CREBRF: variants seen among roughly 807,000 people sequenced by gnomAD.
The protein encoded by CREBRF is UPF0474 protein C5orf41.
A neutral mutation model predicts 66.1 loss-of-function variants in CREBRF; 5 were observed. The ratio of observed to expected loss-of-function variants is 0.08; its 90% CI spans 0.04 to 0.16. The LOEUF is 0.16. CREBRF is among the 10% of genes least tolerant of loss of function. The pLI is 1.00. For synonymous variants in CREBRF, 229 were observed against 264.4 expected (o/e 0.87, Z 1.30); for missense variants, 531 against 744.9 (o/e 0.71, Z 3.34).
intron 1 of CREBRF, among the ~76,000 whole-genome samples, chr5:173,062,363 C>G (rs547355532): frequency 1.3e-5 from 2 of 152,252 alleles, no homozygotes; most frequent in South Asian, 4.1e-4. Context: ...TTGCTGAGAA[C>G]TGCTTATCTG....
intron 7 of CREBRF, among the ~76,000 whole-genome samples, chr5:173,112,710 C>A (rs1489766764): frequency 6.6e-6 from 1 of 152,140 alleles, no homozygotes; most frequent in Non-Finnish European, 1.5e-5. Flanking sequence ...GCAAAAACAA[C>A]CTGCACTTCT....
intron 5 of CREBRF, chr5:173,110,255 C>A: frequency 2.0e-6 from 1 of 497,692 alleles, no homozygotes; most frequent in South Asian, 1.9e-5. Flanking sequence ...ATCTGTCATG[C>A]TGGAACTAGA....
chr5:173,081,209 C>T (rs910408655), intron 2 of CREBRF, among the ~76,000 whole-genome samples: 3 of 152,176 alleles, frequency 2.0e-5, no homozygotes, highest in African/African-American at 7.2e-5. Context: ...CAACCCCTCT[C>T]ATCTCTCTCT....
chr5:173,118,529 A>G (rs1009804948), intron 7 of CREBRF, among the ~76,000 whole-genome samples: 1 of 152,046 alleles, frequency 6.6e-6, no homozygotes, highest in Admixed American at 6.6e-5. Context: ...TGCATATGGT[A>G]TAAGGTAAAA....
chr5:173,128,856 C>T (rs1482098905), intron 8 of CREBRF, among the ~76,000 whole-genome samples: 1 of 151,704 alleles, frequency 6.6e-6, no homozygotes, highest in Admixed American at 6.6e-5. Flanking sequence ...TCTCGGCTCA[C>T]CTTATGCTCC....
chr5:173,104,847 G>A (rs1301446966), intron 4 of CREBRF, among the ~76,000 whole-genome samples: 1 of 152,122 alleles, frequency 6.6e-6, no homozygotes, highest in Non-Finnish European at 1.5e-5. Flanking sequence ...ATACTTCTGG[G>A]AAAAAGGCTG....
In CREBRF at chr5:173,110,674, C is replaced by A. The variant is rs771158926; in HGVS notation, c.1570C>A (p.Pro524Thr). The change falls in exon 6 of 9, where the codon CCA becomes ACA. Residue 524 changes from proline to threonine, a missense_variant. Around this residue, in one of 5 missense-constraint regions of CREBRF, gnomAD observed 25 missense variants for 55.3 expected, o/e 0.45. Transcript: ENST00000296953. ...PVSELPLTAR[P>T]RSRKEKNKLA... is the part of the protein sequence containing the mutation. ...CAGTGAGCTTCCCTTAACAGCCCGA[C>A]CAAGGTCAAGGAAGGAAAAAAATAA... 1.9e-6 allele frequency: 3 copies of A among 1,612,308 alleles called. No individual in the cohort carries two copies. The highest frequency in any genetic ancestry group is 3.4e-5 in the Admixed American group (2 of 59,542).
chr5:173,110,359 C>A, intron 5 of CREBRF, 163 bp from the exon 6 acceptor site: 1 of 706,418 alleles, frequency 1.4e-6, no homozygotes, highest in South Asian at 1.5e-5. Flanking sequence ...AGGAGGCCAG[C>A]CCTTCTAGGA....
chr5:173,124,128 G>A (rs1759205525), intron 8 of CREBRF: 1 of 152,076 alleles, frequency 6.6e-6, no homozygotes, highest in South Asian at 2.1e-4. Context: ...ACATCTATAT[G>A]TTTGGTAAGC....
chr5:173,091,477 T>G (rs746359666), intron 4 of CREBRF, 76 bp downstream of exon 4: 1 of 1,532,622 alleles, frequency 6.5e-7, no homozygotes, highest in South Asian at 1.3e-5. Flanking sequence ...TTGTTTCTGT[T>G]TTGTTTGGAT....
At chr5:173,057,156 C>G (rs923934280) in intron 1 of CREBRF, among the ~76,000 whole-genome samples, 1 of 152,038 alleles carries the variant, frequency 6.6e-6, no homozygotes, top group African/African-American at 2.4e-5. Flanking sequence ...GGGCGGAGCC[C>G]TCAGAGCTGA....
chr5:173,073,199 T>C (rs752780540), intron 1 of CREBRF, among the ~76,000 whole-genome samples: 1 of 152,208 alleles, frequency 6.6e-6, no homozygotes, highest in Admixed American at 6.5e-5. Flanking sequence ...TTTGTAACAA[T>C]AGGTTTGCTT....
In CREBRF at chr5:173,066,323, A is replaced by G. The variant is rs1488343984; in HGVS notation, c.-192+9844A>G. The stretch of plus-strand genomic sequence containing the variant: ...CAAAGATGCTACTTCTTCAAAGGCC[A>G]CAGTGTAGAATGTGACTGCCTATGT... On this transcript the variant is annotated intron_variant, in intron 1 of 8. Transcript: ENST00000296953. Among the ~76,000 whole-genome samples the G allele has an allele frequency of 3.9e-5, 6 of 152,214 alleles. No individual in the cohort carries two copies. In the East Asian group the frequency reaches 1.2e-3, roughly 29 times the overall value.
intron 4 of CREBRF, among the ~76,000 whole-genome samples, chr5:173,096,441 C>T: frequency 1.7e-5 from 1 of 59,466 alleles, no homozygotes; most frequent in Non-Finnish European, 4.4e-5. Context: ...CCTTCCCTCC[C>T]CTCCCCTCTC....
At chr5:173,115,030 C>T (rs1758953340) in intron 7 of CREBRF, among the ~76,000 whole-genome samples, 1 of 152,088 alleles carries the variant, frequency 6.6e-6, no homozygotes, top group Non-Finnish European at 1.5e-5. Flanking sequence ...TGTTTGGACA[C>T]TGTCAAGGCT....
intron 4 of CREBRF, chr5:173,091,853 G>C (rs1267939515): frequency 1.1e-6 from 1 of 881,892 alleles, no homozygotes; most frequent in South Asian, 5.2e-5. Context: ...GGGAGGCCGA[G>C]GTGGGCGGAT....
At chr5:173,129,874 T>C (rs1414801166) in intron 8 of CREBRF, among the ~76,000 whole-genome samples, 1 of 152,224 alleles carries the variant, frequency 6.6e-6, no homozygotes, top group Non-Finnish European at 1.5e-5. Context: ...TCGCCCAGAC[T>C]GGAGTGTAAT....
intron 7 of CREBRF, among the ~76,000 whole-genome samples, chr5:173,120,943 T>G (rs1430011510): frequency 6.6e-6 from 1 of 152,154 alleles, no homozygotes; most frequent in African/African-American, 2.4e-5. Flanking sequence ...TTCACCCGCC[T>G]CAGCCTCCCA....
rs748323611 is a variant in CREBRF, at chr5:173,134,265, A to AATAT, written c.*542_*545dup. The AATAT allele has an allele frequency of 5.9e-3, 827 of 139,234 alleles. 7 individuals are homozygous for AATAT. Among genetic ancestry groups the AATAT allele is most frequent in the East Asian group, 5.4e-3 (27 of 5,004 alleles). The allele number at this position is 139,234 out of a possible 1,614,324, so 8.6% of individuals were successfully genotyped here. A position where few individuals can be genotyped will look rare whatever the true frequency, so the allele number is the denominator to read the frequency against. The stretch of plus-strand genomic sequence containing the variant: ...GTCAGAGCTCAAGATGATATATATA[A>AATAT]ATATATATATATATATATATATATA... On this transcript the variant is annotated 3_prime_UTR_variant, in exon 9 of 9. Transcript: ENST00000296953.
Sources: gnomAD v4.1 joint callset for allele counts (sites outside exome capture counted in the v4.1 genomes callset) on GRCh38, gnomAD v4.1.1 for gene constraint, gnomAD v4.1.1 regional missense constraint, MANE v1.5 for transcripts, NCBI Gene and HGNC (gene_info 2026-07-23, HGNC 2026-07-21) for gene names.